Variants in RNF34 observed in about 807,000 individuals in gnomAD.
RNF34 encodes ring finger protein 34, also known as E3 ubiquitin-protein ligase RNF34.
RNF34 carries 12 observed loss-of-function variants against 37.9 expected under a neutral mutation model. The ratio of observed to expected loss-of-function variants is 0.32; its 90% CI spans 0.20 to 0.51. RNF34 has a LOEUF of 0.51. Among genes scored for constraint, RNF34 ranks in the 20% least tolerant of loss-of-function variants. The probability of loss-of-function intolerance (pLI) is 0.97; values close to 1 mark genes in which losing one functional copy is unlikely to be tolerated. For synonymous variants in RNF34, 155 were observed against 177.2 expected (o/e 0.87, Z 1.00); for missense variants, 362 against 472.7 (o/e 0.77, Z 2.17).
rs1555283797 is a variant in RNF34 at position 121,423,468 on chromosome 12, A to C, written c.1011A>C (p.Leu337=). Residue 337 remains leucine (L), a synonymous_variant, in exon 6 of 6, where the codon CTA becomes CTC. Transcript: ENST00000361234. The surrounding 1 kb of genome is among the most constrained non-coding windows in gnomAD (Gnocchi z 4.3). ...ICMDAVIDCV[L]LECGHMVTCT... ...TGGATGCCGTCATCGACTGTGTCCTACTGGAGTGTGGGCACATGGTTACCT... is the reference window on the plus strand; with the variant it reads ...TGGATGCCGTCATCGACTGTGTCCTCCTGGAGTGTGGGCACATGGTTACCT... 1 of 1,613,642 alleles carries C rather than the reference A, an allele frequency of 6.2e-7. No homozygotes were observed.
At chr12:121,403,396 CAAAAAAAAAAACCAAAACA>C (rs1289840284) in intron 1 of RNF34, among the ~76,000 whole-genome samples, 3 of 84,580 alleles carry the variant, frequency 3.5e-5, no homozygotes, top group Admixed American at 1.4e-4. Flanking sequence ...ACTCTGTCTC[CAAAAAAAAAAACCAAAACA>C]AAAAAAAAAA....
intron 1 of RNF34, among the ~76,000 whole-genome samples, chr12:121,413,679 G>A (rs1417265307): frequency 1.3e-5 from 2 of 149,668 alleles, no homozygotes; most frequent in Non-Finnish European, 3.0e-5. Flanking sequence ...CCGGGTTCAC[G>A]CCATTCTCCT....
In RNF34 at chr12:121,423,649, A is replaced by G; in HGVS notation, c.*73A>G. On this transcript the variant is annotated 3_prime_UTR_variant, in exon 6 of 6. Transcript: ENST00000361234. This position sits in a 1 kb window ranked among gnomAD's most constrained non-coding sequence, Gnocchi z 4.3. Reference sequence around the variant, plus strand: ...CATTTCAATGCACAGAAGGGACTGGAAAGTTATGTTCAAAGGCTGAAGCTA... The same window carrying G: ...CATTTCAATGCACAGAAGGGACTGGGAAGTTATGTTCAAAGGCTGAAGCTA... 2 of 1,293,460 alleles carry G rather than the reference A, an allele frequency of 1.5e-6. No individual in the cohort carries two copies. Among genetic ancestry groups the G allele is most frequent in the Non-Finnish European group, 2.2e-6 (2 of 920,340 alleles). 80.1% of individuals were successfully genotyped at this position (1,293,460 alleles called of 1,614,324 possible). A position where few individuals can be genotyped will look rare whatever the true frequency, so the allele number is the denominator to read the frequency against.
chr12:121,401,880 A>G (rs983038726), intron 1 of RNF34, among the ~76,000 whole-genome samples: 3 of 152,252 alleles, frequency 2.0e-5, no homozygotes, highest in Admixed American at 6.5e-5. Flanking sequence ...ATGGACCTGA[A>G]TAGACATCAG....
chr12:121,416,238 A>G lies in RNF34; in HGVS notation c.86A>G (p.Gln29Arg). The G allele has an allele frequency of 6.2e-7, 1 of 1,614,136 alleles. No homozygotes were observed. Among genetic ancestry groups the G allele is most frequent in the South Asian group, 1.1e-5 (1 of 91,082 alleles). ...GGAACTGGAGCTGTCAGGGGCCAGC[A>G]GTCAGCATTTGCAGGAGCCACCGGT... Reference protein sequence around the residue: ...VMGTGAVRGQQSAFAGATGPF... With the variant: ...VMGTGAVRGQRSAFAGATGPF... The change falls in exon 2 of 6, where the codon CAG becomes CGG. Residue 29 changes from glutamine to arginine, a missense_variant. Physicochemically the swap from Gln to Arg is conservative, Grantham distance 43. Transcript: ENST00000361234.
At chr12:121,422,074 T>C (rs78071836) in intron 5 of RNF34, among the ~76,000 whole-genome samples, 1,892 of 152,348 alleles carry the variant, frequency 0.012, 47 homozygotes, top group African/African-American at 0.043. Flanking sequence ...GAGAAGTCAG[T>C]TGACTTCATA....
At chr12:121,420,937 A>G (rs1872071743) in intron 5 of RNF34, among the ~76,000 whole-genome samples, 159 bp downstream of exon 5, 1 of 152,176 alleles carries the variant, frequency 6.6e-6, no homozygotes, top group East Asian at 1.9e-4. Context: ...TAGATCTGGA[A>G]AGGAGTAACT....
intron 5 of RNF34, among the ~76,000 whole-genome samples, chr12:121,422,517 C>T (rs1237190942): frequency 2.0e-5 from 3 of 152,222 alleles, no homozygotes; most frequent in East Asian, 1.9e-4. Flanking sequence ...CACCAGTAGT[C>T]GTGGGCCATG....
At chr12:121,421,399 C>CA (rs1566236180) in intron 5 of RNF34, among the ~76,000 whole-genome samples, 2 of 89,934 alleles carry the variant, frequency 2.2e-5, no homozygotes, top group African/African-American at 3.8e-5. Flanking sequence ...AAAAAAAAAA[C>CA]CAAAAAAACC....
intron 1 of RNF34, among the ~76,000 whole-genome samples, chr12:121,400,562 C>T (rs1480104264): frequency 6.6e-6 from 1 of 152,222 alleles, no homozygotes; most frequent in African/African-American, 2.4e-5. Flanking sequence ...AGCCTCGGTC[C>T]CTTGGCGCGC....
rs73407605 is a variant in RNF34 at position 121,402,729 on chromosome 12, T to C, written c.6+2511T>C. 8 of 1,565,622 alleles carry C rather than the reference T, an allele frequency of 5.1e-6. No homozygotes were observed. In the African/African-American group the frequency reaches 1.1e-4, roughly 21 times the overall value. On this transcript the variant is annotated intron_variant, in intron 1 of 5. Transcript: ENST00000361234. ...CTGAATGTAATTCCTTTTCCTTTTT[T>C]TTTCTCTGAAAGGTGGGGGAGTGGT... is the stretch of plus-strand genomic sequence containing the variant.
Position 121,423,602 on chromosome 12 carries a change from CA to C in RNF34, c.*27del. On this transcript the variant is annotated 3_prime_UTR_variant, in exon 6 of 6. Coordinates refer to ENST00000361234, the MANE Select transcript of RNF34 (RefSeq NM_025126.4). This position sits in a 1 kb window ranked among gnomAD's most constrained non-coding sequence, Gnocchi z 4.3. ...AACAGGCTCCCCTCACCAGGACAGT[CA>C]CCCCCAAACTTGACCCCCAACATTT... 1.3e-6 allele frequency: 2 copies of C among 1,597,368 alleles called. No homozygotes were observed. Among genetic ancestry groups the C allele is most frequent in the Non-Finnish European group, 1.7e-6 (2 of 1,168,126 alleles).
rs187357001 is a variant in RNF34, at chr12:121,400,475, G to T, written c.6+257G>T. ...GAAGCCGGGCGTCCCTAGCGTTCGC[G>T]CCGGGTGGGCCCCTCTCTGCGCCGG... On this transcript the variant is annotated intron_variant, in intron 1 of 5. Transcript: ENST00000361234. Among the ~76,000 whole-genome samples, 96 of 152,328 alleles carry T rather than the reference G, an allele frequency of 6.3e-4. 1 individual carries two copies. In the East Asian group the frequency reaches 0.018, roughly 28 times the overall value.
chr12:121,422,249 G>A (rs1872234414), intron 5 of RNF34, among the ~76,000 whole-genome samples: 1 of 152,160 alleles, frequency 6.6e-6, no homozygotes, highest in Non-Finnish European at 1.5e-5. Flanking sequence ...TCTCTGGCTT[G>A]GGTGGAACAC....
At chr12:121,418,236 G>GC in intron 3 of RNF34, 1 of 261,872 alleles carries the variant, frequency 3.8e-6, no homozygotes, top group South Asian at 7.3e-5. Flanking sequence ...CACATTTGTA[G>GC]TGTTATGTGT....
intron 1 of RNF34, among the ~76,000 whole-genome samples, chr12:121,406,197 G>A (rs1464962038): frequency 2.0e-5 from 3 of 152,160 alleles, no homozygotes; most frequent in African/African-American, 7.2e-5. Context: ...AACTGGCATT[G>A]GATACCAGAA....
chr12:121,413,727 C>A (rs906127542), intron 1 of RNF34, among the ~76,000 whole-genome samples: 1 of 151,950 alleles, frequency 6.6e-6, no homozygotes, highest in African/African-American at 2.4e-5. Flanking sequence ...ACAGGCCCCA[C>A]CAGCATGCCC....
intron 3 of RNF34, among the ~76,000 whole-genome samples, chr12:121,419,157 A>G (rs1871858108): frequency 6.6e-6 from 1 of 152,118 alleles, no homozygotes; most frequent in African/African-American, 2.4e-5. Context: ...CCATATTTTT[A>G]TTGTACCTTT....
intron 2 of RNF34, chr12:121,416,732 C>A: frequency 5.0e-6 from 1 of 199,604 alleles, no homozygotes; most frequent in Non-Finnish European, 1.0e-5. Context: ...AAAAGTATCC[C>A]GTACCTTAAC....
Sources: allele counts gnomAD v4.1 joint callset (sites outside exome capture counted in the v4.1 genomes callset), GRCh38; gene constraint gnomAD v4.1.1; non-coding constraint Gnocchi (gnomAD v3.1); transcripts MANE v1.5; gene names NCBI Gene and HGNC (gene_info 2026-07-23, HGNC 2026-07-21).